The following ARRDC1 variants were observed in gnomAD, a reference collection of about 807,000 sequenced individuals.
ARRDC1 encodes the protein arrestin domain containing 1, also known as arrestin domain-containing protein 1.
In ARRDC1, 37 loss-of-function variants were observed where a neutral mutation model predicts 40.1. That is an observed-to-expected ratio of 0.92 (90% CI 0.71 to 1.21). ARRDC1 has a LOEUF of 1.21. Among genes scored for constraint, ARRDC1 ranks in the 50% most tolerant of loss-of-function variants. ARRDC1 has a pLI of 0.00. For synonymous variants in ARRDC1, 310 were observed against 262.5 expected (o/e 1.18, Z -1.75); for missense variants, 641 against 581.9 (o/e 1.10, Z -1.04).
At chr9:137,607,715 G>A (rs1429987238) in intron 1 of ARRDC1, among the ~76,000 whole-genome samples, 6 of 152,210 alleles carry the variant, frequency 3.9e-5, no homozygotes, top group African/African-American at 1.2e-4. Context: ...AGGACTGGGG[G>A]AGTGGCTTAC....
chr9:137,613,262 A>T, intron 2 of ARRDC1, 198 bp from the exon 3 acceptor site: 1 of 759,740 alleles, frequency 1.3e-6, no homozygotes, highest in Non-Finnish European at 2.2e-6. Flanking sequence ...TTCCCAAACC[A>T]CTCTCCTGTT....
At chr9:137,606,120 G>C (rs1442180817) in intron 1 of ARRDC1, among the ~76,000 whole-genome samples, 1 of 151,634 alleles carries the variant, frequency 6.6e-6, no homozygotes, top group Non-Finnish European at 1.5e-5. Flanking sequence ...GCAGGCCTGC[G>C]ACCCTCCCCG....
At chr9:137,609,344 T>C (rs1225115798) in intron 1 of ARRDC1, among the ~76,000 whole-genome samples, 1 of 151,912 alleles carries the variant, frequency 6.6e-6, no homozygotes, top group Non-Finnish European at 1.5e-5. Flanking sequence ...AAGTGATTCT[T>C]CTGCCTCAGA....
rs1842409536 is a variant in ARRDC1, at chr9:137,605,695, C to T, written c.-23C>T. On this transcript the variant is annotated 5_prime_UTR_variant, in exon 1 of 8. Transcript: ENST00000371421. Reference sequence around the variant, plus strand: ...GGCGGCGGGCGGGGGCGTCGCTGCGCGGCTGGCCGGTGAGGCCGCGGCATG... The same window carrying T: ...GGCGGCGGGCGGGGGCGTCGCTGCGTGGCTGGCCGGTGAGGCCGCGGCATG... 2 of 1,328,016 alleles carry T rather than the reference C, an allele frequency of 1.5e-6. No individual in the cohort carries two copies. The highest frequency in any genetic ancestry group is 3.5e-5 in the Admixed American group (1 of 28,406). 82.3% of individuals were successfully genotyped at this position (1,328,016 alleles called of 1,614,324 possible). A position where few individuals can be genotyped will look rare whatever the true frequency, so the allele number is the denominator to read the frequency against.
At chr9:137,606,304 T>C (rs1842422851) in intron 1 of ARRDC1, among the ~76,000 whole-genome samples, 1 of 152,084 alleles carries the variant, frequency 6.6e-6, no homozygotes, top group Non-Finnish European at 1.5e-5. Flanking sequence ...CCCGCCGAGG[T>C]GGACGCCTGG....
At position 137,613,724 on chromosome 9, in the gene ARRDC1, C is replaced by T. The variant is rs767557038; in HGVS notation, c.390C>T (p.Phe130=). ...AGGATCACAAGTGCAGCCTCGTGTT[C>T]TATATCTTGAGCCCCTTGAACCTGA... ...FSKDHKCSLV[F]YILSPLNLNS... Residue 130 remains phenylalanine (F), a synonymous_variant, in exon 4 of 8, where the codon TTC becomes TTT. Transcript: ENST00000371421. 2 of 1,614,096 alleles carry T rather than the reference C, an allele frequency of 1.2e-6. No individual in the cohort carries two copies. The highest frequency in any genetic ancestry group is 1.3e-5 in the African/African-American group (1 of 74,948).
rs200350999 is a variant in ARRDC1, at chr9:137,613,401, TGGCCACCTCA to T, written c.230-46_230-37del. On this transcript the variant is annotated intron_variant, in intron 2 of 7. Coordinates refer to ENST00000371421, the MANE Select transcript of ARRDC1 (RefSeq NM_152285.4). Reference sequence around the variant, plus strand: ...AGTGCCCACTCTTATCCTGGCCCTGTGGCCACCTCAGGCCACCTCAGGGGGGGACTGCCCC... The same window carrying T: ...AGTGCCCACTCTTATCCTGGCCCTGTGGCCACCTCAGGGGGGGACTGCCCC... 15,632 of 1,579,078 alleles carry T rather than the reference TGGCCACCTCA, an allele frequency of 9.9e-3. 83 individuals are homozygous for T. The highest frequency in any genetic ancestry group is 0.015 in the African/African-American group (1,098 of 74,246).
chr9:137,610,426 C>T (rs773532180), intron 1 of ARRDC1, among the ~76,000 whole-genome samples: 4 of 152,096 alleles, frequency 2.6e-5, no homozygotes, highest in South Asian at 4.2e-4. Flanking sequence ...GATGAAGTCT[C>T]GCTCTGTCAC....
chr9:137,615,109 G>A lies in ARRDC1; in HGVS notation c.1273G>A (p.Val425Met), dbSNP rs774728153. ...GTCTTATGAGCAGAGCTGCGGCGGC[G>A]TGGAACCCAGCCTGACCCCTGAGAG... ...PPSYEQSCGGVEPSLTPES is the reference protein window; with the variant it reads ...PPSYEQSCGGMEPSLTPES The change falls in exon 8 of 8, where the codon GTG becomes ATG. Residue 425 changes from valine to methionine, a missense_variant. Val to Met is a conservative substitution (Grantham distance 21). Coordinates refer to ENST00000371421, the MANE Select transcript of ARRDC1 (RefSeq NM_152285.4). 12 of 1,558,320 alleles carry A rather than the reference G, an allele frequency of 7.7e-6. No homozygotes were observed. Among genetic ancestry groups the A allele is most frequent in the Middle Eastern group, 1.7e-4 (1 of 5,818 alleles).
At chr9:137,610,688 C>T (rs1174848564) in intron 1 of ARRDC1, among the ~76,000 whole-genome samples, 1 of 152,190 alleles carries the variant, frequency 6.6e-6, no homozygotes, top group Non-Finnish European at 1.5e-5. Context: ...CTCAGCCTCC[C>T]TGGTAGCTGG....
At chr9:137,607,685 C>A (rs986798445) in intron 1 of ARRDC1, among the ~76,000 whole-genome samples, 3 of 152,232 alleles carry the variant, frequency 2.0e-5, no homozygotes, top group Admixed American at 6.5e-5. Flanking sequence ...TTGTTACTCT[C>A]ATGATACAGA....
Position 137,614,950 on chromosome 9 carries a change from C to T in ARRDC1, c.1187C>T (p.Thr396Ile). The T allele has an allele frequency of 1.2e-6, 2 of 1,613,894 alleles. No homozygotes were observed. The highest frequency in any genetic ancestry group is 8.5e-7 in the Non-Finnish European group (1 of 1,179,976). The change falls in exon 7 of 8, where the codon ACC becomes ATC. Residue 396 changes from threonine to isoleucine, a missense_variant. Transcript: ENST00000371421. ...AEGSGGPVPT[T>I]STLILPPEYS... Reference sequence around the variant, plus strand: ...GGCTCCGGGGGGCCAGTGCCCACTACCAGCACCTTGATTCTTCCTCCAGAG... The same window carrying T: ...GGCTCCGGGGGGCCAGTGCCCACTATCAGCACCTTGATTCTTCCTCCAGAG...
chr9:137,606,940 G>A (rs1369709619), intron 1 of ARRDC1, among the ~76,000 whole-genome samples: 1 of 152,238 alleles, frequency 6.6e-6, no homozygotes, highest in Non-Finnish European at 1.5e-5. Context: ...CTTACCACAG[G>A]GAAGGGACGG....
chr9:137,609,149 CTT>C (rs954888000), intron 1 of ARRDC1, among the ~76,000 whole-genome samples: 8 of 152,172 alleles, frequency 5.3e-5, no homozygotes, highest in African/African-American at 1.9e-4. Flanking sequence ...CTGTCCCACT[CTT>C]TGCCAGAACC....
intron 5 of ARRDC1, 27 bp from the exon 6 acceptor site, chr9:137,614,272 C>G (rs1350715453): frequency 6.3e-7 from 1 of 1,578,260 alleles, no homozygotes; most frequent in Non-Finnish European, 8.6e-7. Context: ...GCAGCCTGCG[C>G]AGGCTCACAG....
intron 1 of ARRDC1, among the ~76,000 whole-genome samples, chr9:137,608,344 G>T (rs1842459309): frequency 1.3e-5 from 2 of 152,218 alleles, no homozygotes; most frequent in Admixed American, 6.5e-5. Context: ...CCTGCAAAGA[G>T]GTGCAACGTT....
intron 1 of ARRDC1, among the ~76,000 whole-genome samples, chr9:137,609,445 G>A (rs1313344271): frequency 1.3e-5 from 2 of 151,896 alleles, no homozygotes; most frequent in African/African-American, 2.4e-5. Flanking sequence ...TGTTGGTCAG[G>A]CGGGCCTGGA....
At chr9:137,606,595 C>T (rs930268685) in intron 1 of ARRDC1, among the ~76,000 whole-genome samples, 4 of 152,248 alleles carry the variant, frequency 2.6e-5, no homozygotes, top group African/African-American at 4.8e-5. Context: ...TCTGTTCTGT[C>T]CTCTCAGCCT....
chr9:137,612,909 C>T lies in ARRDC1; in HGVS notation c.132C>T (p.Thr44=), dbSNP rs1564501696. 4 of 1,613,966 alleles carry T rather than the reference C, an allele frequency of 2.5e-6. No homozygotes were observed. Among genetic ancestry groups the T allele is most frequent in the Non-Finnish European group, 3.4e-6 (4 of 1,179,894 alleles). Residue 44 remains threonine (T), a synonymous_variant, in exon 2 of 8, where the codon ACC becomes ACT. Transcript: ENST00000371421. The part of the protein sequence containing the change: ...APLPFRAIRV[T]CIGSCGVSNK... Reference sequence around the variant, plus strand: ...TCCCCTTTGCAGCCATCCGGGTGACCTGCATAGGTTCCTGCGGGGTCTCCA... The same window carrying T: ...TCCCCTTTGCAGCCATCCGGGTGACTTGCATAGGTTCCTGCGGGGTCTCCA...
Sources: gnomAD v4.1 joint callset for allele counts (sites outside exome capture counted in the v4.1 genomes callset) on GRCh38, gnomAD v4.1.1 for gene constraint, MANE v1.5 for transcripts, NCBI Gene and HGNC (gene_info 2026-07-23, HGNC 2026-07-21) for gene names.